The following MED12L variants were observed in gnomAD, a reference collection of about 807,000 sequenced individuals.
MED12L encodes the protein mediator of RNA polymerase II transcription subunit 12-like protein.
In MED12L, 60 loss-of-function variants were observed where a neutral mutation model predicts 281.3. The ratio of observed to expected loss-of-function variants is 0.21; its 90% CI spans 0.17 to 0.26. MED12L has a LOEUF of 0.26. MED12L is among the 10% of genes least tolerant of loss of function. MED12L has a pLI of 1.00. For missense variants in MED12L, 2,146 were observed against 2,680.9 expected, an observed-to-expected ratio of 0.80 and a Z score of 4.41; for synonymous variants, 974 against 987.2, an observed-to-expected ratio of 0.99 and a Z score of 0.25.
At chr3:151,201,973 G>T (rs962285724) in intron 16 of MED12L, among the ~76,000 whole-genome samples, 1 of 152,194 alleles carries the variant, frequency 6.6e-6, no homozygotes, top group East Asian at 1.9e-4. Flanking sequence ...ATGGTAAAGA[G>T]AAGAATTAGA....
intron 26 of MED12L, among the ~76,000 whole-genome samples, chr3:151,371,162 C>G (rs921999929): frequency 2.0e-5 from 3 of 152,152 alleles, no homozygotes; most frequent in African/African-American, 7.2e-5. Context: ...CCTTTCTTCT[C>G]TTTTCTTATT....
intron 23 of MED12L, among the ~76,000 whole-genome samples, chr3:151,366,776 T>C (rs894660040): frequency 1.3e-5 from 2 of 152,218 alleles, no homozygotes; most frequent in Non-Finnish European, 2.9e-5. Flanking sequence ...TAAGAATTTA[T>C]GTATATAAAA....
At chr3:151,215,306 A>T (rs1727985497) in intron 16 of MED12L, among the ~76,000 whole-genome samples, 1 of 152,196 alleles carries the variant, frequency 6.6e-6, no homozygotes, top group African/African-American at 2.4e-5. Flanking sequence ...GCCAGTCCAG[A>T]TTGAGATGTT....
chr3:151,174,459 G>C (rs1721803656), intron 11 of MED12L, among the ~76,000 whole-genome samples: 1 of 152,146 alleles, frequency 6.6e-6, no homozygotes, highest in Non-Finnish European at 1.5e-5. Flanking sequence ...TAAATACTCA[G>C]AGAGGATTGT....
At chr3:151,173,814 G>A (rs1053611102) in intron 11 of MED12L, among the ~76,000 whole-genome samples, 17 of 152,194 alleles carry the variant, frequency 1.1e-4, no homozygotes, top group African/African-American at 4.1e-4. Context: ...AATGCCAGTT[G>A]TTATGTTCTT....
At chr3:151,108,900 C>G (rs1351748824) in intron 2 of MED12L, among the ~76,000 whole-genome samples, 2 of 152,138 alleles carry the variant, frequency 1.3e-5, no homozygotes, top group African/African-American at 2.4e-5. Flanking sequence ...AATTCCCAAA[C>G]TAGCATCAAA....
chr3:151,198,217 A>G (rs1377465539), intron 16 of MED12L: 5 of 426,672 alleles, frequency 1.2e-5, no homozygotes, highest in Non-Finnish European at 1.7e-5. Flanking sequence ...TTGTACAAAT[A>G]TTTGGGTTAA....
intron 5 of MED12L, among the ~76,000 whole-genome samples, chr3:151,144,863 C>T (rs1381473754): frequency 2.6e-5 from 4 of 152,202 alleles, no homozygotes; most frequent in African/African-American, 7.2e-5. Context: ...ATACCTGCAT[C>T]ATGTAAACCT....
intron 16 of MED12L, among the ~76,000 whole-genome samples, chr3:151,261,901 A>G (rs527621560): frequency 6.6e-6 from 1 of 151,720 alleles, no homozygotes; most frequent in African/African-American, 2.4e-5. Flanking sequence ...ATTTTTTTGT[A>G]TTTTTAGTAG....
intron 16 of MED12L, among the ~76,000 whole-genome samples, chr3:151,322,362 TA>T (rs1001419326): frequency 8.6e-5 from 13 of 151,982 alleles, no homozygotes; most frequent in Admixed American, 3.3e-4. Flanking sequence ...ATTTTTTTTT[TA>T]TTTTTTTATT....
At chr3:151,143,808 T>C (rs77277933) in intron 5 of MED12L, among the ~76,000 whole-genome samples, 3,697 of 152,296 alleles carry the variant, frequency 0.024, 65 homozygotes, top group Non-Finnish European at 0.04. Context: ...CCTCCTGTCC[T>C]GGGGCAGTAA....
intron 41 of MED12L, among the ~76,000 whole-genome samples, chr3:151,412,309 G>A (rs1211789464): frequency 6.6e-6 from 1 of 152,164 alleles, no homozygotes; most frequent in Non-Finnish European, 1.5e-5. Context: ...TTTTGATCAG[G>A]GAGCCTTGTG....
rs988902142 is a variant in MED12L, at chr3:151,368,146, C to T, written c.3449-4C>T. ...AACTTGCTTTTCCAATCCCCCTTTCCTAGCTTGTGGGGATGCGGACGCCGA... is the reference window on the plus strand; with the variant it reads ...AACTTGCTTTTCCAATCCCCCTTTCTTAGCTTGTGGGGATGCGGACGCCGA... On this transcript the variant is annotated splice_region_variant and splice_polypyrimidine_tract_variant and intron_variant, in intron 24 of 44. Coordinates refer to ENST00000687756, the MANE Select transcript of MED12L (RefSeq NM_001393769.1). 1.3e-5 allele frequency: 21 copies of T among 1,613,220 alleles called. No individual in the cohort carries two copies. In the African/African-American group the frequency reaches 1.9e-4, roughly 14 times the overall value.
At chr3:151,225,214 G>A (rs564373024) in intron 16 of MED12L, among the ~76,000 whole-genome samples, 1 of 152,212 alleles carries the variant, frequency 6.6e-6, no homozygotes, top group Non-Finnish European at 1.5e-5. Context: ...AGAAGTTGCT[G>A]TTCTCTCTCT....
intron 16 of MED12L, among the ~76,000 whole-genome samples, chr3:151,345,700 T>A (rs1752453733): frequency 1.3e-5 from 2 of 151,926 alleles, no homozygotes; most frequent in African/African-American, 2.4e-5. Context: ...GTATTTTTAG[T>A]AGAGATGGAG....
intron 16 of MED12L, chr3:151,212,094 G>A (rs1445594979): frequency 6.6e-6 from 1 of 152,158 alleles, no homozygotes; most frequent in Non-Finnish European, 1.5e-5. Flanking sequence ...TTCCTCATAT[G>A]TTGATTATTA....
intron 16 of MED12L, among the ~76,000 whole-genome samples, chr3:151,285,775 A>G (rs1479388191): frequency 6.6e-6 from 1 of 152,154 alleles, no homozygotes; most frequent in East Asian, 1.9e-4. Flanking sequence ...TGACTAGGCC[A>G]TGAGGGTAGA....
chr3:151,223,766 C>T (rs572004496), intron 16 of MED12L, among the ~76,000 whole-genome samples: 2 of 152,260 alleles, frequency 1.3e-5, no homozygotes, highest in African/African-American at 4.8e-5. Context: ...GATGGGTTCA[C>T]TAGAAGCCCA....
intron 28 of MED12L, 45 bp from the exon 29 acceptor site, chr3:151,376,755 C>A: frequency 6.9e-7 from 1 of 1,456,134 alleles, no homozygotes; most frequent in Non-Finnish European, 9.6e-7. Flanking sequence ...TGTATTTTAA[C>A]ACATTTGATA....
Sources: allele counts gnomAD v4.1 joint callset (sites outside exome capture counted in the v4.1 genomes callset), GRCh38; gene constraint gnomAD v4.1.1; transcripts MANE v1.5; gene names NCBI Gene and HGNC (gene_info 2026-07-23, HGNC 2026-07-21).